Variants in PRR11 observed in about 807,000 individuals in gnomAD.
The protein encoded by PRR11 is proline rich 11, also known as proline-rich protein 11.
A neutral mutation model predicts 45.6 loss-of-function variants in PRR11; 30 were observed. That is an observed-to-expected ratio of 0.66 (90% CI 0.49 to 0.89). PRR11 has a LOEUF of 0.89. Among genes scored for constraint, PRR11 ranks in the 40% least tolerant of loss-of-function variants. The pLI, the probability that PRR11 is intolerant of heterozygous loss-of-function variation, is 0.00. For synonymous variants in PRR11, 128 were observed against 153.5 expected, an observed-to-expected ratio of 0.83 and a Z score of 1.23; for missense variants, 373 against 424.8, an observed-to-expected ratio of 0.88 and a Z score of 1.07.
intron 4 of PRR11, among the ~76,000 whole-genome samples, chr17:59,190,029 A>G (rs907097610): frequency 6.6e-6 from 1 of 152,044 alleles, no homozygotes; most frequent in Non-Finnish European, 1.5e-5. Flanking sequence ...GTGTGTGTGT[A>G]TGTGTGAAAT....
At chr17:59,160,198 G>T (rs1181674112) in intron 1 of PRR11, among the ~76,000 whole-genome samples, 1 of 152,100 alleles carries the variant, frequency 6.6e-6, no homozygotes, top group African/African-American at 2.4e-5. Context: ...TCTGAAGTAA[G>T]TTCCTATTAA....
intron 1 of PRR11, among the ~76,000 whole-genome samples, chr17:59,158,917 T>A (rs534105609): frequency 6.6e-6 from 1 of 152,278 alleles, no homozygotes; most frequent in South Asian, 2.1e-4. Context: ...ACCTCCTAGA[T>A]TCAAGTGATT....
Position 59,193,635 on chromosome 17 carries a change from C to T in PRR11, c.546C>T (p.Ser182=), listed in dbSNP as rs763172777. 2.0e-5 allele frequency: 33 copies of T among 1,614,024 alleles called. No homozygotes were observed. Among genetic ancestry groups the T allele is most frequent in the Non-Finnish European group, 1.7e-5 (20 of 1,180,024 alleles). ...VLPPTLPQPA[S]HFPPPPPPPP... ...CTCCCACACTGCCACAGCCAGCCAG[C>T]CATTTTCCTCCTCCTCCTCCACCTC... The change falls in exon 5 of 10, where the codon AGC becomes AGT. Residue 182 remains serine, a synonymous_variant. Transcript: ENST00000262293.
chr17:59,178,386 A>G, intron 2 of PRR11: 2 of 453,946 alleles, frequency 4.4e-6, no homozygotes, highest in Non-Finnish European at 8.6e-6. Flanking sequence ...GGAGGGAGAG[A>G]AGAGAGGAAC....
intron 1 of PRR11, among the ~76,000 whole-genome samples, chr17:59,156,620 G>T (rs1408981814): frequency 6.6e-6 from 1 of 151,424 alleles, no homozygotes; most frequent in Non-Finnish European, 1.5e-5. Context: ...AGCTTTGAAA[G>T]TACCCCAGAA....
At chr17:59,177,191 A>T (rs547000854) in intron 2 of PRR11, 138 of 548,276 alleles carry the variant, frequency 2.5e-4, no homozygotes, top group Admixed American at 8.5e-4. Flanking sequence ...AAATGAATGC[A>T]TTGGTATTGC....
chr17:59,159,975 C>T (rs2046643552), intron 1 of PRR11, among the ~76,000 whole-genome samples: 1 of 152,086 alleles, frequency 6.6e-6, no homozygotes, highest in Non-Finnish European at 1.5e-5. Context: ...CCACTGTAAA[C>T]TCTTGGAGGG....
intron 7 of PRR11, among the ~76,000 whole-genome samples, chr17:59,197,254 A>ATTT (rs35057236): frequency 6.9e-6 from 1 of 145,454 alleles, no homozygotes; most frequent in Non-Finnish European, 1.5e-5. Context: ...GCAAGTTCTA[A>ATTT]TTTTTTTTTT....
chr17:59,182,536 C>T (rs557030964), intron 2 of PRR11, among the ~76,000 whole-genome samples: 34 of 151,190 alleles, frequency 2.2e-4, no homozygotes, highest in Admixed American at 6.0e-4. Flanking sequence ...GGATTACAGG[C>T]GCGCACCACT....
chr17:59,186,371 G>A (rs2046813858), intron 4 of PRR11, among the ~76,000 whole-genome samples: 1 of 132,790 alleles, frequency 7.5e-6, no homozygotes, highest in African/African-American at 2.9e-5. Flanking sequence ...AATTTTGCCA[G>A]CTGTTTGTAA....
chr17:59,173,452 C>A (rs980076548), intron 2 of PRR11, among the ~76,000 whole-genome samples: 1 of 152,190 alleles, frequency 6.6e-6, no homozygotes, highest in Non-Finnish European at 1.5e-5. Flanking sequence ...TAACACTCAC[C>A]ATGAAGGTCT....
At chr17:59,185,255 G>C in intron 3 of PRR11, 51 bp downstream of exon 3, 1 of 1,597,862 alleles carries the variant, frequency 6.3e-7, no homozygotes, top group Non-Finnish European at 8.6e-7. Context: ...CTACACACTT[G>C]GTGTTTATAT....
rs1449998319 is a variant in PRR11, at chr17:59,206,203, C to CA, written c.*4578dup. ...GCAACACTGCAAGACCCCAACTCTA[C>CA]AAAAAACGAAAAATTAGCCGGGAGC... On this transcript the variant is annotated 3_prime_UTR_variant, in exon 10 of 10. Coordinates refer to ENST00000262293, the MANE Select transcript of PRR11 (RefSeq NM_018304.4). 2.0e-5 allele frequency among the ~76,000 whole-genome samples: 3 copies of CA among 151,930 alleles called. No individual in the cohort carries two copies. Among genetic ancestry groups the CA allele is most frequent in the Non-Finnish European group, 4.4e-5 (3 of 67,974 alleles).
chr17:59,166,753 A>T (rs568930929), intron 1 of PRR11, among the ~76,000 whole-genome samples: 28 of 152,288 alleles, frequency 1.8e-4, no homozygotes, highest in Admixed American at 1.5e-3. Context: ...TTATATCCCG[A>T]CATTTGTATA....
Position 59,169,848 on chromosome 17 carries a change from T to C in PRR11, c.96T>C (p.Ile32=). 2 of 1,610,478 alleles carry C rather than the reference T, an allele frequency of 1.2e-6. No homozygotes were observed. The highest frequency in any genetic ancestry group is 2.2e-5 in the East Asian group (1 of 44,860). The change falls in exon 2 of 10, where the codon ATT becomes ATC. Residue 32 remains isoleucine (I), a synonymous_variant. Transcript: ENST00000262293. The part of the protein sequence containing the change: ...KEASHFQSKL[I]TPPPPPPSPE... ...CCTCTCACTTTCAGTCCAAGCTAAT[T>C]ACACCTCCTCCTCCACCACCCTCAC... is the stretch of plus-strand genomic sequence containing the variant.
intron 1 of PRR11, among the ~76,000 whole-genome samples, chr17:59,160,114 T>G (rs1439137245): frequency 6.6e-6 from 1 of 152,148 alleles, no homozygotes; most frequent in African/African-American, 2.4e-5. Context: ...ATAATAATGA[T>G]AATAATGATA....
At chr17:59,187,066 T>C (rs2046817393) in intron 4 of PRR11, among the ~76,000 whole-genome samples, 1 of 152,094 alleles carries the variant, frequency 6.6e-6, no homozygotes, top group South Asian at 2.1e-4. Context: ...GACTCATGCC[T>C]ATAATCCCAG....
In PRR11 at chr17:59,203,591, A is replaced by G. The variant is rs67659260; in HGVS notation, c.*1960A>G. On this transcript the variant is annotated 3_prime_UTR_variant, in exon 10 of 10. Transcript: ENST00000262293. ...ATTAAACAGGTGTCCGGGTGCGGTTACTCATGCCTGTAATCCGAGCACTTG... is the reference window on the plus strand; with the variant it reads ...ATTAAACAGGTGTCCGGGTGCGGTTGCTCATGCCTGTAATCCGAGCACTTG... 66,596 of 151,958 alleles carry G rather than the reference A, an allele frequency of 0.44. 16,544 individuals carry two copies. Among genetic ancestry groups the G allele is most frequent in the African/African-American group, 0.69 (28,449 of 41,466 alleles). 9.4% of individuals were successfully genotyped at this position (151,958 alleles called of 1,614,324 possible).
At chr17:59,192,159 G>C (rs754197406) in intron 4 of PRR11, among the ~76,000 whole-genome samples, 26 of 152,142 alleles carry the variant, frequency 1.7e-4, no homozygotes, top group Admixed American at 4.6e-4. Flanking sequence ...GAGACACACA[G>C]AGAATGCATA....
Sources: allele counts gnomAD v4.1 joint callset (sites outside exome capture counted in the v4.1 genomes callset), GRCh38; gene constraint gnomAD v4.1.1; transcripts MANE v1.5; gene names NCBI Gene and HGNC (gene_info 2026-07-23, HGNC 2026-07-21).